CPEB4: variants seen among roughly 807,000 people sequenced by gnomAD.
The protein encoded by CPEB4 is cytoplasmic polyadenylation element binding protein 4.
In CPEB4, 12 loss-of-function variants were observed where a neutral mutation model predicts 72.5. The ratio of observed to expected loss-of-function variants is 0.17; its 90% CI spans 0.11 to 0.27. The LOEUF is 0.27. Among genes scored for constraint, CPEB4 ranks in the 10% least tolerant of loss-of-function variants. The probability of loss-of-function intolerance (pLI) is 1.00; values close to 1 mark genes in which losing one functional copy is unlikely to be tolerated. For synonymous variants in CPEB4, 302 were observed against 326.3 expected, an observed-to-expected ratio of 0.93 and a Z score of 0.80; for missense variants, 614 against 908.5, an observed-to-expected ratio of 0.68 and a Z score of 4.17.
At chr5:173,908,191 G>C (rs1267459314) in intron 1 of CPEB4, among the ~76,000 whole-genome samples, 1 of 152,210 alleles carries the variant, frequency 6.6e-6, no homozygotes, top group African/African-American at 2.4e-5. Flanking sequence ...TTGAAATGAG[G>C]AAGTGTAAAC....
At chr5:173,944,826 T>C (rs1384826828) in intron 4 of CPEB4, 141 bp from the exon 5 acceptor site, 1 of 691,682 alleles carries the variant, frequency 1.4e-6, no homozygotes, top group East Asian at 2.6e-5. Context: ...AATTCAAGAG[T>C]ATAGCTAAGT....
chr5:173,936,757 CTT>C (rs1757634530), intron 3 of CPEB4, among the ~76,000 whole-genome samples: 1 of 151,392 alleles, frequency 6.6e-6, no homozygotes, highest in Admixed American at 6.6e-5. Flanking sequence ...CAGCTTGAAA[CTT>C]TATTTTACCT....
chr5:173,946,091 A>C (rs1758006549), intron 5 of CPEB4, among the ~76,000 whole-genome samples: 2 of 152,244 alleles, frequency 1.3e-5, no homozygotes, highest in Admixed American at 1.3e-4. Context: ...TTGGGATCAG[A>C]CTTATCAAGT....
intron 1 of CPEB4, among the ~76,000 whole-genome samples, chr5:173,909,546 A>G (rs1756564910): frequency 6.6e-6 from 1 of 150,916 alleles, no homozygotes; most frequent in Non-Finnish European, 1.5e-5. Flanking sequence ...TTTTTTTTAC[A>G]TGATTTTTGG....
At chr5:173,916,230 G>C (rs539503634) in intron 2 of CPEB4, among the ~76,000 whole-genome samples, 9 of 152,228 alleles carry the variant, frequency 5.9e-5, no homozygotes, top group African/African-American at 1.9e-4. Flanking sequence ...TGTGAAAATG[G>C]AGTCTTTTTC....
intron 1 of CPEB4, among the ~76,000 whole-genome samples, chr5:173,906,789 A>G (rs1756451560): frequency 6.6e-6 from 1 of 152,222 alleles, no homozygotes; most frequent in African/African-American, 2.4e-5. Context: ...ATTTCTTTTC[A>G]TTTCATAAAA....
chr5:173,922,456 C>A (rs1398553617), intron 2 of CPEB4, among the ~76,000 whole-genome samples: 2 of 152,150 alleles, frequency 1.3e-5, no homozygotes, highest in African/African-American at 4.8e-5. Context: ...GTCTCAAACT[C>A]CTGGGCTCAA....
intron 5 of CPEB4, among the ~76,000 whole-genome samples, chr5:173,946,819 C>A (rs1040434096): frequency 7.2e-5 from 11 of 152,142 alleles, no homozygotes; most frequent in Admixed American, 3.9e-4. Flanking sequence ...GTACAACTTC[C>A]ATGTTATACT....
rs1228394996 is a variant in CPEB4 at position 173,957,348 on chromosome 5, T to C, written c.*1211T>C. On this transcript the variant is annotated 3_prime_UTR_variant, in exon 10 of 10. Coordinates refer to ENST00000265085, the MANE Select transcript of CPEB4 (RefSeq NM_030627.4). ...AAAAAAGTGAAGTAGTTGCAAAGTGTTTTGCACTGTTGAACTAAGTAACTG... is the reference window on the plus strand; with the variant it reads ...AAAAAAGTGAAGTAGTTGCAAAGTGCTTTGCACTGTTGAACTAAGTAACTG... 6.5e-6 allele frequency: 1 copy of C among 152,790 alleles called. No homozygotes were observed. Among genetic ancestry groups the C allele is most frequent in the Non-Finnish European group, 1.5e-5 (1 of 68,044 alleles). The allele number at this position is 152,790 out of a possible 1,614,324, so 9.5% of individuals were successfully genotyped here. A position where few individuals can be genotyped will look rare whatever the true frequency, so the allele number is the denominator to read the frequency against.
intron 1 of CPEB4, among the ~76,000 whole-genome samples, chr5:173,905,006 AT>A (rs1756377803): frequency 1.6e-5 from 2 of 127,108 alleles, no homozygotes; most frequent in South Asian, 5.1e-4. Context: ...AATAATAATA[AT>A]AATAATAATA....
intron 1 of CPEB4, among the ~76,000 whole-genome samples, chr5:173,902,500 T>G (rs201905546): frequency 1.3e-5 from 2 of 152,072 alleles, no homozygotes; most frequent in Non-Finnish European, 2.9e-5. Context: ...GTGGTGGTGG[T>G]GGTGGTGGGT....
intron 2 of CPEB4, among the ~76,000 whole-genome samples, chr5:173,917,951 C>T (rs1213173415): frequency 6.6e-6 from 1 of 152,166 alleles, no homozygotes; most frequent in Non-Finnish European, 1.5e-5. Context: ...CTCTTTCTTG[C>T]TCGGTTTGGA....
At chr5:173,903,315 C>T (rs1756307436) in intron 1 of CPEB4, among the ~76,000 whole-genome samples, 1 of 152,174 alleles carries the variant, frequency 6.6e-6, no homozygotes, top group Non-Finnish European at 1.5e-5. Context: ...CCCTTCTCTT[C>T]ATAAGGAAAT....
chr5:173,897,570 A>G (rs1440562539), intron 1 of CPEB4, among the ~76,000 whole-genome samples: 2 of 152,206 alleles, frequency 1.3e-5, no homozygotes, highest in Non-Finnish European at 2.9e-5. Flanking sequence ...GTAAGACTGA[A>G]CATGCATTTT....
At chr5:173,942,956 G>C in intron 3 of CPEB4, 70 bp from the exon 4 acceptor site, 1 of 1,471,468 alleles carries the variant, frequency 6.8e-7, no homozygotes, top group Admixed American at 1.8e-5. Context: ...AATCACAGTT[G>C]ATTCTTTTGA....
intron 1 of CPEB4, among the ~76,000 whole-genome samples, chr5:173,893,656 T>A (rs1439694671): frequency 6.6e-6 from 1 of 152,146 alleles, no homozygotes; most frequent in African/African-American, 2.4e-5. Context: ...AGTGCTTACA[T>A]GGGTACATTA....
At chr5:173,938,319 G>A (rs897075655) in intron 3 of CPEB4, among the ~76,000 whole-genome samples, 4 of 152,030 alleles carry the variant, frequency 2.6e-5, no homozygotes, top group African/African-American at 4.8e-5. Flanking sequence ...TTTACCTCCC[G>A]GGTTGAAGCA....
chr5:173,951,896 A>G lies in CPEB4; in HGVS notation c.1738A>G (p.Lys580Glu), dbSNP rs1422780790. ...TGGTTCACAGCCACTTGACCCACGA[A>G]AAACTATATTTGTTGGTGGTGTTCC... is the stretch of plus-strand genomic sequence containing the variant. Reference protein sequence around the residue: ...MDGSQPLDPRKTIFVGGVPRP... With the variant: ...MDGSQPLDPRETIFVGGVPRP... The change falls in exon 8 of 10, where the codon AAA becomes GAA. Residue 580 changes from lysine to glutamate, a missense_variant. Coordinates refer to ENST00000265085, the MANE Select transcript of CPEB4 (RefSeq NM_030627.4). 6.2e-7 allele frequency: 1 copy of G among 1,613,894 alleles called. No homozygotes were observed. The highest frequency in any genetic ancestry group is 8.5e-7 in the Non-Finnish European group (1 of 1,179,814).
At position 173,961,603 on chromosome 5, in the gene CPEB4, T is replaced by C. The variant is rs1225924754; in HGVS notation, c.*5466T>C. On this transcript the variant is annotated 3_prime_UTR_variant, in exon 10 of 10. Coordinates refer to ENST00000265085, the MANE Select transcript of CPEB4 (RefSeq NM_030627.4). Reference sequence around the variant, plus strand: ...TGTTTTTACTGTCTAACCAGATGAATAAACAGTGGAAATTCTCTACCACAC... The same window carrying C: ...TGTTTTTACTGTCTAACCAGATGAACAAACAGTGGAAATTCTCTACCACAC... 6.6e-6 allele frequency: 1 copy of C among 152,174 alleles called. No homozygotes were observed. Among genetic ancestry groups the C allele is most frequent in the African/African-American group, 2.4e-5 (1 of 41,454 alleles). The allele number at this position is 152,174 out of a possible 1,614,324, so 9.4% of individuals were successfully genotyped here.
Sources: allele counts gnomAD v4.1 joint callset (sites outside exome capture counted in the v4.1 genomes callset), GRCh38; gene constraint gnomAD v4.1.1; transcripts MANE v1.5; gene names NCBI Gene and HGNC (gene_info 2026-07-23, HGNC 2026-07-21).